The following PPP3CA variants were observed in gnomAD, a reference collection of about 807,000 sequenced individuals.
The protein encoded by PPP3CA is protein phosphatase 3 catalytic subunit alpha, also known as CAM-PRP catalytic subunit.
Under a neutral mutation model 66.5 loss-of-function variants are expected in PPP3CA, and 14 were observed. That is an observed-to-expected ratio of 0.21 (90% CI 0.14 to 0.33). PPP3CA has a LOEUF of 0.33. PPP3CA is among the 10% of genes least tolerant of loss of function. The probability of loss-of-function intolerance (pLI) is 1.00; values close to 1 mark genes in which losing one functional copy is unlikely to be tolerated. For synonymous variants in PPP3CA, 232 were observed against 226.2 expected, an observed-to-expected ratio of 1.03 and a Z score of -0.23; for missense variants, 317 against 639.5, an observed-to-expected ratio of 0.50 and a Z score of 5.44.
At chr4:101,155,446 T>C (rs1001611067) in intron 2 of PPP3CA, among the ~76,000 whole-genome samples, 2 of 152,184 alleles carry the variant, frequency 1.3e-5, no homozygotes, top group African/African-American at 2.4e-5. Context: ...AAGATGAAAG[T>C]TCCTTCCTGC....
chr4:101,093,965 G>A, intron 5 of PPP3CA, 50 bp from the exon 6 acceptor site: 1 of 1,513,264 alleles, frequency 6.6e-7, no homozygotes, highest in Non-Finnish European at 8.9e-7. Context: ...TGGAAACTTA[G>A]AATTCTGACA....
intron 8 of PPP3CA, among the ~76,000 whole-genome samples, chr4:101,080,178 C>T (rs1032951565): frequency 6.6e-6 from 1 of 152,124 alleles, no homozygotes; most frequent in African/African-American, 2.4e-5. Flanking sequence ...TTTCCATGGA[C>T]AATCACACTT....
chr4:101,276,772 T>C (rs868437212), intron 1 of PPP3CA, among the ~76,000 whole-genome samples: 2 of 152,042 alleles, frequency 1.3e-5, no homozygotes, highest in Admixed American at 6.6e-5. Flanking sequence ...AAGTACAGAG[T>C]TCCCATTTAC....
At chr4:101,224,043 ACAC>A (rs1417369847) in intron 1 of PPP3CA, among the ~76,000 whole-genome samples, 1 of 151,816 alleles carries the variant, frequency 6.6e-6, no homozygotes, top group Non-Finnish European at 1.5e-5. Flanking sequence ...AATTATGAAA[ACAC>A]CAAAAATTGA....
At chr4:101,133,366 A>G (rs952220982) in intron 2 of PPP3CA, among the ~76,000 whole-genome samples, 1 of 152,244 alleles carries the variant, frequency 6.6e-6, no homozygotes, top group Non-Finnish European at 1.5e-5. Flanking sequence ...TCTCAGCCCC[A>G]AAAGTCCTTA....
Position 101,107,052 on chromosome 4 carries a change from T to C in PPP3CA, c.384+1902A>G, listed in dbSNP as rs74851786. Among the ~76,000 whole-genome samples the C allele has an allele frequency of 3.5e-3, 535 of 152,326 alleles. 1 individual carries two copies. The highest frequency in any genetic ancestry group is 0.012 in the African/African-American group (508 of 41,570). On this transcript the variant is annotated intron_variant, in intron 3 of 13. Transcript: ENST00000394854. ...AAATTAGTACTCAATTGCTTTTCCA[T>C]CAGTTAAGCTGGTCAGGCTGGCCCC...
At chr4:101,275,349 C>T (rs1727456323) in intron 1 of PPP3CA, among the ~76,000 whole-genome samples, 1 of 152,174 alleles carries the variant, frequency 6.6e-6, no homozygotes, top group Admixed American at 6.5e-5. Context: ...TTCCTATGTA[C>T]TCTCACAGTA....
At chr4:101,178,298 T>C (rs9686022) in intron 2 of PPP3CA, among the ~76,000 whole-genome samples, 4,176 of 152,168 alleles carry the variant, frequency 0.027, 203 homozygotes, top group African/African-American at 0.095. Flanking sequence ...AATCCATGTT[T>C]CAGTTTTACT....
rs560110548 is a variant in PPP3CA, at chr4:101,052,638, A to G, written c.1156+8449T>C. On this transcript the variant is annotated intron_variant, in intron 10 of 13. Transcript: ENST00000394854. ...AAGCCTGAGAAGAATTTAGTCTTTT[A>G]AAAATATTAAATAACCTACCTTTTT... is the stretch of plus-strand genomic sequence containing the variant. Among the ~76,000 whole-genome samples, 3 of 152,104 alleles carry G rather than the reference A, an allele frequency of 2.0e-5. No homozygotes were observed. The East Asian group carries it at 5.8e-4, about 29-fold the overall frequency.
At chr4:101,196,714 T>G (rs1303383952) in intron 1 of PPP3CA, among the ~76,000 whole-genome samples, 1 of 152,200 alleles carries the variant, frequency 6.6e-6, no homozygotes, top group African/African-American at 2.4e-5. Context: ...AGGGACCTCC[T>G]TAAAAGTGAA....
intron 10 of PPP3CA, among the ~76,000 whole-genome samples, chr4:101,055,935 A>G (rs565650416): frequency 3.2e-4 from 48 of 152,104 alleles, no homozygotes; most frequent in African/African-American, 1.1e-3. Context: ...TTTGTGTTAT[A>G]TTTATATTTT....
intron 1 of PPP3CA, among the ~76,000 whole-genome samples, chr4:101,338,389 G>A (rs1431515574): frequency 6.6e-6 from 1 of 152,168 alleles, no homozygotes. Flanking sequence ...ATTTAAGATT[G>A]ACAAAATTTC....
At chr4:101,097,853 T>C (rs1344143585) in intron 5 of PPP3CA, among the ~76,000 whole-genome samples, 1 of 152,222 alleles carries the variant, frequency 6.6e-6, no homozygotes, top group East Asian at 1.9e-4. Context: ...CAAATACTTC[T>C]TAAAAAGTCC....
chr4:101,039,248 T>C (rs1200531659), intron 11 of PPP3CA, among the ~76,000 whole-genome samples: 2 of 144,738 alleles, frequency 1.4e-5, no homozygotes, highest in South Asian at 4.7e-4. Context: ...AGGTCACCTA[T>C]GCTTGCCCAA....
intron 8 of PPP3CA, among the ~76,000 whole-genome samples, chr4:101,074,873 G>A (rs557389197): frequency 7.9e-5 from 12 of 152,168 alleles, no homozygotes; most frequent in Admixed American, 5.9e-4. Flanking sequence ...CTGTTCTCAC[G>A]CTGCTAATAA....
intron 2 of PPP3CA, among the ~76,000 whole-genome samples, chr4:101,164,305 T>C (rs1408860728): frequency 1.3e-5 from 2 of 152,166 alleles, no homozygotes; most frequent in African/African-American, 2.4e-5. Context: ...AATTTACTTA[T>C]TTATACTTTA....
intron 1 of PPP3CA, among the ~76,000 whole-genome samples, chr4:101,292,131 C>T (rs1175455101): frequency 1.4e-5 from 2 of 142,014 alleles, no homozygotes; most frequent in Admixed American, 7.1e-5. Context: ...CACACACACA[C>T]GGCCCCTATA....
chr4:101,252,238 C>T (rs1353204154), intron 1 of PPP3CA, among the ~76,000 whole-genome samples: 1 of 152,090 alleles, frequency 6.6e-6, no homozygotes, highest in Non-Finnish European at 1.5e-5. Flanking sequence ...GTCATACTGT[C>T]CCCATATTAC....
intron 10 of PPP3CA, among the ~76,000 whole-genome samples, chr4:101,052,672 T>G (rs1206762990): frequency 6.6e-6 from 1 of 151,980 alleles, no homozygotes; most frequent in African/African-American, 2.4e-5. Flanking sequence ...TTACACATCT[T>G]TCTTTCCCTG....
Sources: allele counts gnomAD v4.1 joint callset (sites outside exome capture counted in the v4.1 genomes callset), GRCh38; gene constraint gnomAD v4.1.1; transcripts MANE v1.5; gene names NCBI Gene and HGNC (gene_info 2026-07-23, HGNC 2026-07-21).